Variants in LRRC8B observed in about 807,000 individuals in gnomAD.
LRRC8B encodes leucine rich repeat containing 8 VRAC subunit B, also known as volume-regulated anion channel subunit LRRC8B.
In LRRC8B, 23 loss-of-function variants were observed where a neutral mutation model predicts 58.8. The observed-to-expected ratio is 0.39, with a 90% CI of 0.28 to 0.55. The LOEUF (loss-of-function observed/expected upper bound fraction) is 0.55, where lower values mean the gene tolerates loss of function less well. Ranked by LOEUF, LRRC8B falls within the 20% of genes least tolerant of loss-of-function variation. LRRC8B has a pLI of 0.62. For synonymous variants in LRRC8B, 359 were observed against 374.1 expected (o/e 0.96, Z 0.47); for missense variants, 694 against 936.0 (o/e 0.74, Z 3.37).
rs190203625 is a variant in LRRC8B at position 89,592,815 on chromosome 1, G to A, written c.2184G>A (p.Gln728=). 180 of 1,613,958 alleles carry A rather than the reference G, an allele frequency of 1.1e-4. No homozygotes were observed. The Admixed American group carries it at 1.2e-3, about 10-fold the overall frequency. ...PDGLFQCKKL[Q]CLLLGKNSLM... is the part of the protein sequence containing the mutation. ...GGCTGTTTCAGTGCAAAAAGCTGCA[G>A]TGTTTACTTTTGGGGAAAAATAGCT... Residue 728 remains glutamine, a synonymous_variant, in exon 6 of 6, where the codon CAG becomes CAA. Coordinates refer to ENST00000330947, the MANE Select transcript of LRRC8B (RefSeq NM_001369817.2).
intron 1 of LRRC8B, among the ~76,000 whole-genome samples, chr1:89,567,564 T>C (rs1222780552): frequency 6.6e-6 from 1 of 152,190 alleles, no homozygotes; most frequent in Non-Finnish European, 1.5e-5. Flanking sequence ...TTTTCACATA[T>C]GGATTAGCAA....
At chr1:89,528,222 G>A (rs527292713) in intron 1 of LRRC8B, among the ~76,000 whole-genome samples, 2 of 152,192 alleles carry the variant, frequency 1.3e-5, no homozygotes, top group African/African-American at 4.8e-5. Flanking sequence ...ATATTTCACA[G>A]ACGCTGCCAG....
Position 89,584,717 on chromosome 1 carries a change from C to T in LRRC8B, c.2067C>T (p.Asn689=). Residue 689 remains asparagine (N), a synonymous_variant, in exon 5 of 6, where the codon AAC becomes AAT. Transcript: ENST00000330947. ...TKLHYLDLSY[N]HLTFIPEEIQ... is the part of the protein sequence containing the mutation. ...TACATTATTTGGATCTAAGCTATAA[C>T]CACTTGACCTTCATTCCAGAAGAAA... 2 of 1,613,442 alleles carry T rather than the reference C, an allele frequency of 1.2e-6. No individual in the cohort carries two copies. Among genetic ancestry groups the T allele is most frequent in the Middle Eastern group, 1.7e-4 (1 of 6,058 alleles).
intron 5 of LRRC8B, among the ~76,000 whole-genome samples, chr1:89,586,510 T>A (rs1321776437): frequency 1.3e-5 from 2 of 152,212 alleles, no homozygotes; most frequent in Non-Finnish European, 2.9e-5. Context: ...CCATGCATTA[T>A]TTAAATGTAT....
chr1:89,581,942 C>T (rs1292579457), intron 4 of LRRC8B, among the ~76,000 whole-genome samples: 2 of 152,214 alleles, frequency 1.3e-5, no homozygotes, highest in East Asian at 3.8e-4. Flanking sequence ...GTAGACCCCA[C>T]TAAGCCTAAG....
intron 1 of LRRC8B, among the ~76,000 whole-genome samples, chr1:89,566,194 A>G (rs367618428): frequency 6.6e-5 from 10 of 152,202 alleles, no homozygotes; most frequent in Admixed American, 4.6e-4. Context: ...ATCGCAGGCA[A>G]TAGCTTCACA....
At chr1:89,544,128 G>T (rs1651228964) in intron 1 of LRRC8B, among the ~76,000 whole-genome samples, 1 of 152,130 alleles carries the variant, frequency 6.6e-6, no homozygotes, top group Non-Finnish European at 1.5e-5. Flanking sequence ...GTCTGTTTAT[G>T]CAGAACAAGG....
chr1:89,559,719 T>C lies in LRRC8B; in HGVS notation c.-240-8528T>C, dbSNP rs1483777664. Among the ~76,000 whole-genome samples the C allele has an allele frequency of 3.9e-5, 6 of 152,174 alleles. No homozygotes were observed. In the East Asian group the frequency reaches 9.6e-4, roughly 24 times the overall value. On this transcript the variant is annotated intron_variant, in intron 1 of 5. Transcript: ENST00000330947. ...ATATGTGAGGCAGAGTGAGTGTCCA[T>C]AGCAAGCCACATGGTGAAGCATCCT...
At position 89,582,648 on chromosome 1, in the gene LRRC8B, G is replaced by T. The variant is rs1183121032; in HGVS notation, c.-3G>T. 6.2e-7 allele frequency: 1 copy of T among 1,607,640 alleles called. No individual in the cohort carries two copies. Among genetic ancestry groups the T allele is most frequent in the South Asian group, 1.1e-5 (1 of 90,936 alleles). ...AGTTTCTGTCCTCCTACAAGGGAAAGTCATGATTACACTAACTGAGCTAAA... is the reference window on the plus strand; with the variant it reads ...AGTTTCTGTCCTCCTACAAGGGAAATTCATGATTACACTAACTGAGCTAAA... On this transcript the variant is annotated 5_prime_UTR_variant, in exon 5 of 6. Coordinates refer to ENST00000330947, the MANE Select transcript of LRRC8B (RefSeq NM_001369817.2).
Position 89,583,814 on chromosome 1 carries a change from A to G in LRRC8B, c.1164A>G (p.Leu388=), listed in dbSNP as rs777309291. Residue 388 remains leucine (L), a synonymous_variant, in exon 5 of 6, where the codon CTA becomes CTG. Coordinates refer to ENST00000330947, the MANE Select transcript of LRRC8B (RefSeq NM_001369817.2). The surrounding 1 kb of genome is among the most constrained non-coding windows in gnomAD (Gnocchi z 5.2). ...ATTCCAAACGCTTCTCCATATTCCT[A>G]TCAGAGGTCAGTGAGAACAAACTGA... ...PLYSKRFSIF[L]SEVSENKLKQ... 7 of 1,614,170 alleles carry G rather than the reference A, an allele frequency of 4.3e-6. No individual in the cohort carries two copies. The highest frequency in any genetic ancestry group is 1.1e-5 in the South Asian group (1 of 91,088).
intron 1 of LRRC8B, among the ~76,000 whole-genome samples, chr1:89,525,681 T>A (rs1366398877): frequency 6.6e-6 from 1 of 152,200 alleles, no homozygotes; most frequent in East Asian, 1.9e-4. Context: ...GGGAGGAGGC[T>A]CAGTATTGGC....
intron 4 of LRRC8B, among the ~76,000 whole-genome samples, chr1:89,580,321 G>A (rs1309307783): frequency 2.6e-5 from 4 of 152,138 alleles, no homozygotes; most frequent in East Asian, 1.9e-4. Flanking sequence ...GTGATCTCAC[G>A]AGGCAGGTAC....
chr1:89,562,212 C>T (rs909627532), intron 1 of LRRC8B, among the ~76,000 whole-genome samples: 1 of 150,694 alleles, frequency 6.6e-6, no homozygotes, highest in Non-Finnish European at 1.5e-5. Flanking sequence ...CATCCTCCCA[C>T]TTTCTTATCT....
At chr1:89,531,381 G>A (rs1428413828) in intron 1 of LRRC8B, among the ~76,000 whole-genome samples, 2 of 152,186 alleles carry the variant, frequency 1.3e-5, no homozygotes, top group Non-Finnish European at 2.9e-5. Context: ...TCAAAGAAAT[G>A]GCCAGATGGT....
chr1:89,559,417 G>A (rs940204589), intron 1 of LRRC8B, among the ~76,000 whole-genome samples: 3 of 151,846 alleles, frequency 2.0e-5, no homozygotes, highest in Non-Finnish European at 2.9e-5. Flanking sequence ...GGCCGAGGTG[G>A]GACAATTGCT....
At chr1:89,587,232 T>C (rs1326816348) in intron 5 of LRRC8B, among the ~76,000 whole-genome samples, 1 of 152,168 alleles carries the variant, frequency 6.6e-6, no homozygotes, top group African/African-American at 2.4e-5. Flanking sequence ...GGAATTCATG[T>C]TTCATGTGGG....
intron 5 of LRRC8B, among the ~76,000 whole-genome samples, chr1:89,585,064 T>C (rs1654529442): frequency 6.6e-6 from 1 of 152,254 alleles, no homozygotes; most frequent in South Asian, 2.1e-4. Context: ...CCCAGTTTTC[T>C]ACATAAACAT....
intron 1 of LRRC8B, among the ~76,000 whole-genome samples, chr1:89,537,039 A>G (rs1356168428): frequency 6.6e-6 from 1 of 152,204 alleles, no homozygotes; most frequent in Non-Finnish European, 1.5e-5. Context: ...ACTAAGATTG[A>G]GAAAGGCAAA....
chr1:89,566,748 G>A (rs1200013305), intron 1 of LRRC8B, among the ~76,000 whole-genome samples: 1 of 152,218 alleles, frequency 6.6e-6, no homozygotes, highest in Non-Finnish European at 1.5e-5. Flanking sequence ...AACATCAAGA[G>A]TAAGATCCTT....
Sources: allele counts gnomAD v4.1 joint callset (sites outside exome capture counted in the v4.1 genomes callset), GRCh38; gene constraint gnomAD v4.1.1; non-coding constraint Gnocchi (gnomAD v3.1); transcripts MANE v1.5; gene names NCBI Gene and HGNC (gene_info 2026-07-23, HGNC 2026-07-21).